NCKAP5: variants seen among roughly 807,000 people sequenced by gnomAD.
NCKAP5 encodes the protein NCK associated protein 5, also known as nck-associated protein 5.
NCKAP5 carries 92 observed loss-of-function variants against 167.0 expected under a neutral mutation model. The observed-to-expected ratio is 0.55, with a 90% CI of 0.47 to 0.66. NCKAP5 has a LOEUF of 0.66. Ranked by LOEUF, NCKAP5 falls within the 30% of genes least tolerant of loss-of-function variation. NCKAP5 has a pLI of 0.00. For missense variants in NCKAP5, 2,378 were observed against 2,315.0 expected, an observed-to-expected ratio of 1.03 and a Z score of -0.56; for synonymous variants, 891 against 877.4, an observed-to-expected ratio of 1.02 and a Z score of -0.27.
At chr2:133,479,175 C>G (rs1680205272) in intron 3 of NCKAP5, among the ~76,000 whole-genome samples, 1 of 152,034 alleles carries the variant, frequency 6.6e-6, no homozygotes, top group African/African-American at 2.4e-5. Flanking sequence ...TAACTCTGGA[C>G]CAAGTTTTTG....
chr2:133,203,106 C>G (rs1056941408), intron 5 of NCKAP5, among the ~76,000 whole-genome samples: 2 of 152,090 alleles, frequency 1.3e-5, no homozygotes, highest in African/African-American at 4.8e-5. Flanking sequence ...TTTATTGCAG[C>G]ACTATTCACA....
At chr2:133,506,503 C>T (rs1010321792) in intron 3 of NCKAP5, among the ~76,000 whole-genome samples, 6 of 152,126 alleles carry the variant, frequency 3.9e-5, no homozygotes, top group African/African-American at 1.4e-4. Flanking sequence ...AGTGGAGGCA[C>T]CAACAGGGGA....
intron 2 of NCKAP5, among the ~76,000 whole-genome samples, chr2:133,538,725 A>C (rs1685948761): frequency 6.6e-6 from 1 of 152,082 alleles, no homozygotes; most frequent in Non-Finnish European, 1.5e-5. Context: ...TCATGAAAAC[A>C]TAGTCTGGGA....
intron 6 of NCKAP5, among the ~76,000 whole-genome samples, chr2:133,013,184 G>A (rs527739851): frequency 7.2e-5 from 11 of 152,288 alleles, no homozygotes; most frequent in Admixed American, 3.3e-4. Flanking sequence ...TGGGATTAGC[G>A]TGTGCTTTGG....
In NCKAP5 at chr2:133,174,679, C is replaced by A. The variant is rs572092841; in HGVS notation, c.207+39037G>T. On this transcript the variant is annotated intron_variant, in intron 5 of 19. Transcript: ENST00000409261. Reference sequence around the variant, plus strand: ...GGAGGCATTTCCCTATTCTCAGGCACAACAAAATATTCCAAGTAACATCTT... The same window carrying A: ...GGAGGCATTTCCCTATTCTCAGGCAAAACAAAATATTCCAAGTAACATCTT... Among the ~76,000 whole-genome samples the A allele has an allele frequency of 2.7e-5, 4 of 149,596 alleles. No homozygotes were observed. In the East Asian group the frequency reaches 8.0e-4, roughly 30 times the overall value.
chr2:133,147,392 C>G (rs927252330), intron 5 of NCKAP5, among the ~76,000 whole-genome samples: 3 of 152,074 alleles, frequency 2.0e-5, no homozygotes, highest in Admixed American at 6.6e-5. Flanking sequence ...GGAAAAATAA[C>G]CTATTAAGGC....
chr2:132,956,455 T>A (rs2076347566), intron 8 of NCKAP5, among the ~76,000 whole-genome samples: 1 of 152,198 alleles, frequency 6.6e-6, no homozygotes, highest in Non-Finnish European at 1.5e-5. Flanking sequence ...TCTGAGTTTT[T>A]AAAAAGCTCT....
At chr2:133,093,449 G>T (rs367642031) in intron 6 of NCKAP5, among the ~76,000 whole-genome samples, 7 of 152,164 alleles carry the variant, frequency 4.6e-5, no homozygotes, top group African/African-American at 1.7e-4. Flanking sequence ...TTGACATCCT[G>T]CAATGACTTC....
At position 133,494,848 on chromosome 2, in the gene NCKAP5, G is replaced by A. The variant is rs371518487; in HGVS notation, c.69+22610C>T. On this transcript the variant is annotated intron_variant, in intron 3 of 19. Transcript: ENST00000409261. The stretch of plus-strand genomic sequence containing the variant: ...CTTTGAAATGGCCCTGCAAAGTAGA[G>A]GAAAATCTACATTTTGTCGAGAATC... 1.3e-4 allele frequency among the ~76,000 whole-genome samples: 20 copies of A among 152,270 alleles called. 1 individual carries two copies. In the South Asian group the frequency reaches 4.1e-3, roughly 32 times the overall value.
At chr2:133,634,440 T>C in the NCKAP5 span, among the ~76,000 whole-genome samples, 7 of 152,338 alleles carry the variant, frequency 4.6e-5, no homozygotes, top group South Asian at 1.2e-3. Context: ...AAACATACTC[T>C]ACGCTAATAA....
chr2:133,502,484 T>C (rs112885802), intron 3 of NCKAP5, among the ~76,000 whole-genome samples: 2 of 152,316 alleles, frequency 1.3e-5, no homozygotes, highest in African/African-American at 2.4e-5. Context: ...TAGATAGATA[T>C]GGATATAGAA....
At chr2:133,407,595 G>A (rs1688518756) in intron 3 of NCKAP5, among the ~76,000 whole-genome samples, 1 of 152,186 alleles carries the variant, frequency 6.6e-6, no homozygotes, top group African/African-American at 2.4e-5. Context: ...ATTGAGAAGA[G>A]TCCAGTGCTG....
At chr2:132,934,234 G>A (rs1696667998) in intron 8 of NCKAP5, among the ~76,000 whole-genome samples, 1 of 152,136 alleles carries the variant, frequency 6.6e-6, no homozygotes, top group African/African-American at 2.4e-5. Context: ...TCTGGTGATG[G>A]CAACTAGAAA....
chr2:132,997,036 C>A (rs141763321), intron 6 of NCKAP5, among the ~76,000 whole-genome samples: 1 of 152,198 alleles, frequency 6.6e-6, no homozygotes, highest in Admixed American at 6.5e-5. Context: ...GCAGGCTGAT[C>A]CAGCTTCTCC....
At chr2:133,659,571 T>C in the NCKAP5 span, among the ~76,000 whole-genome samples, 1 of 152,118 alleles carries the variant, frequency 6.6e-6, no homozygotes, top group African/African-American at 2.4e-5. Flanking sequence ...AGCTATAGAA[T>C]GGGAGAATAT....
intron 7 of NCKAP5, among the ~76,000 whole-genome samples, chr2:132,986,752 T>C (rs572697798): frequency 1.3e-5 from 2 of 152,338 alleles, no homozygotes; most frequent in African/African-American, 4.8e-5. Flanking sequence ...TATTTAAATT[T>C]TGGAGTTTGC....
At chr2:133,428,257 C>G (rs1689935958) in intron 3 of NCKAP5, among the ~76,000 whole-genome samples, 1 of 152,108 alleles carries the variant, frequency 6.6e-6, no homozygotes. Flanking sequence ...AAATAAATCA[C>G]TGGCACAGAA....
chr2:132,963,600 T>C, intron 8 of NCKAP5, 120 bp downstream of exon 8: 1 of 1,035,894 alleles, frequency 9.7e-7, no homozygotes, highest in East Asian at 2.4e-5. Context: ...AAATCGTAGA[T>C]CATATTAGTC....
intron 3 of NCKAP5, among the ~76,000 whole-genome samples, chr2:133,320,021 G>A (rs561114087): frequency 4.6e-5 from 7 of 152,184 alleles, no homozygotes; most frequent in African/African-American, 1.7e-4. Flanking sequence ...CCGGTCAAAC[G>A]AAACCAACTG....
Sources: gnomAD v4.1 joint callset for allele counts (sites outside exome capture counted in the v4.1 genomes callset) on GRCh38, gnomAD v4.1.1 for gene constraint, MANE v1.5 for transcripts, NCBI Gene and HGNC (gene_info 2026-07-23, HGNC 2026-07-21) for gene names.